CD48: variants seen among roughly 807,000 people sequenced by gnomAD.
CD48 encodes the protein CD48 antigen.
In CD48, 20 loss-of-function variants were observed where a neutral mutation model predicts 22.0. The observed-to-expected ratio is 0.91, with a 90% CI of 0.64 to 1.32. The LOEUF (loss-of-function observed/expected upper bound fraction) is 1.32. Among genes scored for constraint, CD48 ranks in the 40% most tolerant of loss-of-function variants. The pLI is 0.00. For missense variants in CD48, 307 were observed against 286.5 expected, an observed-to-expected ratio of 1.07 and a Z score of -0.52; for synonymous variants, 110 against 110.1, an observed-to-expected ratio of 1.00 and a Z score of 0.01.
At chr1:160,679,824 C>T (rs1661731336) in intron 3 of CD48, among the ~76,000 whole-genome samples, 1 of 152,132 alleles carries the variant, frequency 6.6e-6, no homozygotes, top group South Asian at 2.1e-4. Context: ...TTATAGAGGA[C>T]AGGGAATGTG....
intron 1 of CD48, among the ~76,000 whole-genome samples, chr1:160,705,728 G>A (rs1662767284): frequency 6.6e-6 from 1 of 152,084 alleles, no homozygotes; most frequent in Non-Finnish European, 1.5e-5. Flanking sequence ...GTCATAATAG[G>A]CAGTCTAGAT....
At chr1:160,680,507 T>A (rs754153391) in intron 3 of CD48, 1 of 908,920 alleles carries the variant, frequency 1.1e-6, no homozygotes, top group Non-Finnish European at 1.3e-6. Flanking sequence ...GTGACAGTCC[T>A]AGAAGTGACC....
chr1:160,699,459 A>T (rs961012770), intron 1 of CD48: 1 of 153,406 alleles, frequency 6.5e-6, no homozygotes, highest in African/African-American at 2.4e-5. Flanking sequence ...CCCCCAGACC[A>T]ACACCCGTAA....
chr1:160,679,164 T>C (rs765422600), intron 3 of CD48, 33 bp from the exon 4 acceptor site: 2 of 1,554,428 alleles, frequency 1.3e-6, no homozygotes, highest in Admixed American at 1.7e-5. Flanking sequence ...TATGCTTAGG[T>C]ATCTTTATCT....
chr1:160,686,579 TCA>T (rs1662007190), intron 1 of CD48: 1 of 152,206 alleles, frequency 6.6e-6, no homozygotes, highest in Non-Finnish European at 1.5e-5. Context: ...GCCCTGATAT[TCA>T]CATAGGTTCT....
intron 1 of CD48, among the ~76,000 whole-genome samples, chr1:160,690,997 T>C (rs1470189925): frequency 6.6e-6 from 1 of 152,196 alleles, no homozygotes; most frequent in African/African-American, 2.4e-5. Context: ...ATGTGCTTTG[T>C]TAAACAGATG....
intron 1 of CD48, among the ~76,000 whole-genome samples, chr1:160,686,367 C>T (rs1661999780): frequency 6.6e-6 from 1 of 152,102 alleles, no homozygotes; most frequent in African/African-American, 2.4e-5. Context: ...ACAATAAACA[C>T]AGTGTGCTAT....
intron 1 of CD48, among the ~76,000 whole-genome samples, chr1:160,697,461 T>C (rs1022767197): frequency 3.9e-4 from 60 of 151,934 alleles, no homozygotes; most frequent in Non-Finnish European, 6.6e-4. Flanking sequence ...AATATTTCCA[T>C]TGGGTATCAT....
At chr1:160,679,193 G>A in intron 3 of CD48, 62 bp from the exon 4 acceptor site, 1 of 1,334,106 alleles carries the variant, frequency 7.5e-7, no homozygotes, top group South Asian at 1.2e-5. Flanking sequence ...GTATTGAGAA[G>A]GGGCAAGTGT....
At chr1:160,681,842 G>A (rs747645098) in intron 2 of CD48, among the ~76,000 whole-genome samples, 51 of 152,150 alleles carry the variant, frequency 3.4e-4, no homozygotes, top group Admixed American at 1.6e-3. Flanking sequence ...CTCTAGCAAC[G>A]GTTCATGGCG....
intron 1 of CD48, among the ~76,000 whole-genome samples, chr1:160,699,964 G>A (rs500836): frequency 0.79 from 120,471 of 151,972 alleles, 48,223 homozygotes; most frequent in East Asian, 0.96. Context: ...CAAGTCTCTC[G>A]TTCCACCTTA....
intron 2 of CD48, chr1:160,684,679 T>G: frequency 7.0e-7 from 1 of 1,423,920 alleles, no homozygotes; most frequent in Non-Finnish European, 9.3e-7. Context: ...TCAGAAGAGG[T>G]GTTAAATGTC....
At chr1:160,685,843 A>G (rs1661978772) in intron 1 of CD48, among the ~76,000 whole-genome samples, 1 of 152,236 alleles carries the variant, frequency 6.6e-6, no homozygotes, top group East Asian at 1.9e-4. Context: ...TGAAGAGCCA[A>G]AGATACAGGG....
rs549215035 is a variant in CD48, at chr1:160,681,125, A to G, written c.652+77T>C. 3.0e-4 allele frequency: 486 copies of G among 1,608,626 alleles called. 5 individuals are homozygous for G. In the South Asian group the frequency reaches 3.8e-3, roughly 13 times the overall value. The stretch of plus-strand genomic sequence containing the variant: ...ACCACACTGTGCAAGGAGGCTGAAT[A>G]GGACCCCCAGCCTTTCTTTGTTCAA... On this transcript the variant is annotated intron_variant, in intron 3 of 3. Coordinates refer to ENST00000368046, the MANE Select transcript of CD48 (RefSeq NM_001778.4).
At chr1:160,705,648 TAA>T (rs1465525824) in intron 1 of CD48, among the ~76,000 whole-genome samples, 1 of 152,218 alleles carries the variant, frequency 6.6e-6, no homozygotes, top group African/African-American at 2.4e-5. Flanking sequence ...TCTAGGAGTT[TAA>T]AATCACTAGA....
intron 1 of CD48, among the ~76,000 whole-genome samples, chr1:160,698,022 C>T (rs1662493869): frequency 6.6e-6 from 1 of 152,186 alleles, no homozygotes; most frequent in African/African-American, 2.4e-5. Context: ...TGGAGGCTTA[C>T]TGTGGCCTCA....
chr1:160,694,120 C>A (rs1433161095), intron 1 of CD48, among the ~76,000 whole-genome samples: 4 of 151,800 alleles, frequency 2.6e-5, no homozygotes, highest in Non-Finnish European at 5.9e-5. Context: ...TTGATTCAGA[C>A]TATAAAGGTG....
chr1:160,687,028 AT>A (rs1183981888), intron 1 of CD48, among the ~76,000 whole-genome samples: 1 of 152,098 alleles, frequency 6.6e-6, no homozygotes, highest in Non-Finnish European at 1.5e-5. Context: ...ACTGGAGTCT[AT>A]TTCACCTCTG....
Position 160,711,672 on chromosome 1 carries a change from T to G in CD48, c.82+10A>C, listed in dbSNP as rs140706944. On this transcript the variant is annotated intron_variant, in intron 1 of 3. Coordinates refer to ENST00000368046, the MANE Select transcript of CD48 (RefSeq NM_001778.4). ...TGCACAATCACAGATACACAGTTGG[T>G]GGAAAGTACCTTGAATGCTGGTCAC... is the stretch of plus-strand genomic sequence containing the variant. 5.6e-6 allele frequency: 9 copies of G among 1,604,334 alleles called. No homozygotes were observed. The highest frequency in any genetic ancestry group is 7.7e-6 in the Non-Finnish European group (9 of 1,171,286).
Sources: allele counts gnomAD v4.1 joint callset (sites outside exome capture counted in the v4.1 genomes callset), GRCh38; gene constraint gnomAD v4.1.1; transcripts MANE v1.5; gene names NCBI Gene and HGNC (gene_info 2026-07-23, HGNC 2026-07-21).